The following HOMER3 variants were observed in gnomAD, a reference collection of about 807,000 sequenced individuals.
The protein encoded by HOMER3 is homer protein homolog 3.
Under a neutral mutation model 45.5 loss-of-function variants are expected in HOMER3, and 34 were observed. The observed-to-expected ratio is 0.75, with a 90% confidence interval of 0.57 to 1.00. The LOEUF is 1.00. Among genes scored for constraint, HOMER3 ranks in the 50% least tolerant of loss-of-function variants. The pLI, the probability that HOMER3 is intolerant of heterozygous loss-of-function variation, is 0.00. For missense variants in HOMER3, 480 were observed against 497.5 expected, an observed-to-expected ratio of 0.96 and a Z score of 0.33; for synonymous variants, 223 against 208.8, an observed-to-expected ratio of 1.07 and a Z score of -0.58.
intron 3 of HOMER3, 29 bp downstream of exon 3, chr19:18,938,699 C>T: frequency 6.4e-7 from 1 of 1,572,798 alleles, no homozygotes; most frequent in Non-Finnish European, 8.6e-7. Context: ...ACTCCTGGTG[C>T]CTCTGCCCCA....
chr19:18,934,255 C>A, intron 5 of HOMER3, 48 bp downstream of exon 5: 1 of 1,154,218 alleles, frequency 8.7e-7, no homozygotes. Flanking sequence ...GAGCGCCTGG[C>A]TGACTCACAG....
chr19:18,933,507 T>C (rs899234473), intron 5 of HOMER3, among the ~76,000 whole-genome samples: 1 of 152,150 alleles, frequency 6.6e-6, no homozygotes, highest in Admixed American at 6.5e-5. Context: ...AGCTGGCGGG[T>C]GCCCTGCGAG....
In HOMER3 at chr19:18,935,013, C is replaced by T. The variant is rs532274526; in HGVS notation, c.304-603G>A. On this transcript the variant is annotated intron_variant, in intron 4 of 9. Coordinates refer to ENST00000392351, the MANE Select transcript of HOMER3 (RefSeq NM_004838.4). ...TGCACCAGCATGCCTGGCTAATTTTCATATTTTTAGTAGAGATGTGGTTTT... is the reference window on the plus strand; with the variant it reads ...TGCACCAGCATGCCTGGCTAATTTTTATATTTTTAGTAGAGATGTGGTTTT... Among the ~76,000 whole-genome samples, 9 of 151,566 alleles carry T rather than the reference C, an allele frequency of 5.9e-5. No homozygotes were observed. The South Asian group carries it at 1.9e-3, about 32-fold the overall frequency.
Position 18,933,059 on chromosome 19 carries a change from AAAG to A in HOMER3, c.412-17_412-15del. ...GCTCGGGGGCACCTAGGCACGGGGA[AAAG>A]AATAGGTCACGACCCCACATCAGCT... On this transcript the variant is annotated splice_polypyrimidine_tract_variant and intron_variant, in intron 5 of 9. Coordinates refer to ENST00000392351, the MANE Select transcript of HOMER3 (RefSeq NM_004838.4). 2.0e-6 allele frequency: 3 copies of A among 1,487,200 alleles called. No homozygotes were observed. The South Asian group carries it at 4.1e-5, about 20-fold the overall frequency. 92.1% of individuals were successfully genotyped at this position (1,487,200 alleles called of 1,614,324 possible). A position where few individuals can be genotyped will look rare whatever the true frequency, so the allele number is the denominator to read the frequency against.
In HOMER3 at chr19:18,929,273, T is replaced by G. The variant is rs759751314; in HGVS notation, c.*170A>C. 2 of 782,442 alleles carry G rather than the reference T, an allele frequency of 2.6e-6. No homozygotes were observed. The highest frequency in any genetic ancestry group is 2.7e-5 in the South Asian group (2 of 74,154). The allele number at this position is 782,442 out of a possible 1,614,324, so 48.5% of individuals were successfully genotyped here. On this transcript the variant is annotated 3_prime_UTR_variant, in exon 10 of 10. Coordinates refer to ENST00000392351, the MANE Select transcript of HOMER3 (RefSeq NM_004838.4). ...AGAAGCTCAAAAACAGCCCCAAAGC[T>G]GCCAACAACCAGAGCCGACTGGGGC...
At chr19:18,932,800 TC>T (rs2057051438) in intron 6 of HOMER3, 123 bp downstream of exon 6, 2 of 734,112 alleles carry the variant, frequency 2.7e-6, no homozygotes, top group South Asian at 5.9e-5. Flanking sequence ...CTCATCCCCT[TC>T]CCCAGGTCTT....
In HOMER3 at chr19:18,941,168, G is replaced by T. The variant is rs921064096; in HGVS notation, c.-185C>A. 1 of 148,292 alleles carries T rather than the reference G, an allele frequency of 6.7e-6. No individual in the cohort carries two copies. The highest frequency in any genetic ancestry group is 2.5e-5 in the African/African-American group (1 of 40,812). The allele number at this position is 148,292 out of a possible 1,614,324, so 9.2% of individuals were successfully genotyped here. A position where few individuals can be genotyped will look rare whatever the true frequency, so the allele number is the denominator to read the frequency against. On this transcript the variant is annotated 5_prime_UTR_variant, in exon 1 of 10. Coordinates refer to ENST00000392351, the MANE Select transcript of HOMER3 (RefSeq NM_004838.4). ...CCTGGCTCCCGGGCCCGCGCCCTCCGCGCCGCCCTCCACGCCGCCCGTGCC... is the reference window on the plus strand; with the variant it reads ...CCTGGCTCCCGGGCCCGCGCCCTCCTCGCCGCCCTCCACGCCGCCCGTGCC...
At chr19:18,929,681 G>A (rs2145115977) in intron 9 of HOMER3, 47 bp from the exon 10 acceptor site, 2 of 1,432,410 alleles carry the variant, frequency 1.4e-6, no homozygotes, top group Non-Finnish European at 1.8e-6. Context: ...CAAATCACCA[G>A]TCCTGCCCGA....
chr19:18,932,277 G>A (rs1468573650), intron 6 of HOMER3, 145 bp from the exon 7 acceptor site: 2 of 534,890 alleles, frequency 3.7e-6, no homozygotes, highest in South Asian at 2.5e-5. Flanking sequence ...AGTCGTGCGC[G>A]AAGTTGGACT....
At chr19:18,932,200 T>C in intron 6 of HOMER3, 68 bp from the exon 7 acceptor site, 1 of 1,156,382 alleles carries the variant, frequency 8.6e-7, no homozygotes, top group Non-Finnish European at 1.1e-6. Flanking sequence ...GATGCTGGGC[T>C]AGGGGGCGGG....
intron 5 of HOMER3, among the ~76,000 whole-genome samples, chr19:18,933,892 G>A (rs2145125207): frequency 6.6e-6 from 1 of 152,192 alleles, no homozygotes; most frequent in South Asian, 2.1e-4. Flanking sequence ...TTTTAGCAGA[G>A]GTGGAGTATC....
intron 4 of HOMER3, among the ~76,000 whole-genome samples, chr19:18,936,234 A>C (rs1601283208): frequency 6.7e-6 from 1 of 148,186 alleles, no homozygotes; most frequent in Admixed American, 6.8e-5. Flanking sequence ...AATTGCTTGA[A>C]CCGGGGAGGC....
Position 18,938,822 on chromosome 19 carries a change from T to C in HOMER3, c.77A>G (p.Asn26Ser). Residue 26 changes from asparagine to serine, a missense_variant, in exon 3 of 10, where the codon AAC becomes AGC. By Grantham distance (46) the Asn-to-Ser change is conservative (BLOSUM62 1). Coordinates refer to ENST00000392351, the MANE Select transcript of HOMER3 (RefSeq NM_004838.4). The part of the protein sequence containing the change: ...VFQIDPATKR[N>S]WIPAGKHALT... ...TGCGTGCTTGCCCGCTGGGATCCAGTTTCGCTTGGTGGCTGGGTCAATTTG... is the reference window on the plus strand; with the variant it reads ...TGCGTGCTTGCCCGCTGGGATCCAGCTTCGCTTGGTGGCTGGGTCAATTTG... 1 of 1,600,774 alleles carries C rather than the reference T, an allele frequency of 6.2e-7. No individual in the cohort carries two copies. The highest frequency in any genetic ancestry group is 1.1e-5 in the South Asian group (1 of 88,702).
intron 4 of HOMER3, among the ~76,000 whole-genome samples, chr19:18,936,072 T>C (rs978666413): frequency 6.7e-6 from 1 of 148,570 alleles, no homozygotes; most frequent in Non-Finnish European, 1.5e-5. Context: ...TCCCAGCACT[T>C]TGGGAGGCCG....
In HOMER3 at chr19:18,932,453, C is replaced by T. The variant is rs182681957; in HGVS notation, c.534-321G>A. 5.2e-4 allele frequency among the ~76,000 whole-genome samples: 78 copies of T among 151,290 alleles called. 2 individuals are homozygous for T. The highest frequency in any genetic ancestry group is 4.0e-3 in the Admixed American group (61 of 15,178). On this transcript the variant is annotated intron_variant, in intron 6 of 9. Coordinates refer to ENST00000392351, the MANE Select transcript of HOMER3 (RefSeq NM_004838.4). ...GGAGGGGTGGCTTTGGGCTAGGGCA[C>T]GGAGTCAGGGCCACGCAGGGCTGGG...
In HOMER3 at chr19:18,929,631, G is replaced by C; in HGVS notation, c.898C>G (p.Leu300Val). 6.6e-7 allele frequency: 1 copy of C among 1,509,936 alleles called. No individual in the cohort carries two copies. The highest frequency in any genetic ancestry group is 8.9e-7 in the Non-Finnish European group (1 of 1,125,482). The allele number at this position is 1,509,936 out of a possible 1,614,324, so 93.5% of individuals were successfully genotyped here. Residue 300 changes from leucine (L) to valine (V), a missense_variant, in exon 10 of 10, where the codon CTG becomes GTG. Leu to Val is a conservative substitution (Grantham distance 32). Coordinates refer to ENST00000392351, the MANE Select transcript of HOMER3 (RefSeq NM_004838.4). The stretch of plus-strand genomic sequence containing the variant: ...TCCAACTCCGCATTGCGGGTCTCCA[G>C]GTCCTGCCAGGAAAGGGTGGGCAGG... Reference protein sequence around the residue: ...REETQQKVQDLETRNAELEHQ... With the variant: ...REETQQKVQDVETRNAELEHQ...
chr19:18,931,675 T>C, intron 7 of HOMER3, 50 bp from the exon 8 acceptor site: 1 of 1,542,892 alleles, frequency 6.5e-7, no homozygotes. Context: ...CACTCTCCCT[T>C]GCTCGCCCAA....
At chr19:18,931,716 C>T (rs575503711) in intron 7 of HOMER3, 91 bp from the exon 8 acceptor site, 60 of 1,510,800 alleles carry the variant, frequency 4.0e-5, no homozygotes, top group Non-Finnish European at 5.0e-5. Context: ...TGTCTGGCCA[C>T]GCCCAGGACC....
intron 7 of HOMER3, among the ~76,000 whole-genome samples, 167 bp downstream of exon 7, chr19:18,931,809 C>T (rs946287539): frequency 6.6e-6 from 1 of 152,190 alleles, no homozygotes; most frequent in Non-Finnish European, 1.5e-5. Context: ...CTGAGGCTGG[C>T]ATTGTCTCAA....
Sources: gnomAD v4.1 joint callset for allele counts (sites outside exome capture counted in the v4.1 genomes callset) on GRCh38, gnomAD v4.1.1 for gene constraint, MANE v1.5 for transcripts, NCBI Gene and HGNC (gene_info 2026-07-23, HGNC 2026-07-21) for gene names.